RBFOX1: variants seen among roughly 807,000 people sequenced by gnomAD.
RBFOX1 encodes the protein RNA binding fox-1 homolog 1.
A neutral mutation model predicts 57.7 loss-of-function variants in RBFOX1; 8 were observed. The observed-to-expected ratio is 0.14, with a 90% confidence interval of 0.08 to 0.25. The LOEUF (loss-of-function observed/expected upper bound fraction) is 0.25. Ranked by LOEUF, RBFOX1 falls within the 10% of genes least tolerant of loss-of-function variation. The probability of loss-of-function intolerance (pLI) is 1.00; values close to 1 mark genes in which losing one functional copy is unlikely to be tolerated. For synonymous variants in RBFOX1, 326 were observed against 222.4 expected, an observed-to-expected ratio of 1.47 and a Z score of -4.15; for missense variants, 611 against 548.5, an observed-to-expected ratio of 1.11 and a Z score of -1.14.
intron 13 of RBFOX1, among the ~76,000 whole-genome samples, chr16:7,674,091 TTTTACAGTGTATGTACACATACACTGAG>T (rs1269085773): frequency 2.0e-5 from 3 of 152,230 alleles, no homozygotes; most frequent in African/African-American, 7.2e-5. Flanking sequence ...GCAATTTATA[TTTTACAGTGTATGTACACATACACTGAG>T]TTAATACACA....
chr16:6,843,048 C>T (rs577933632), intron 3 of RBFOX1, among the ~76,000 whole-genome samples: 15 of 152,162 alleles, frequency 9.9e-5, no homozygotes, highest in South Asian at 2.1e-4. Context: ...GTATGTGCCA[C>T]GTGTTCTTTA....
chr16:7,040,046 A>T (rs970849064), intron 3 of RBFOX1, among the ~76,000 whole-genome samples: 4 of 151,422 alleles, frequency 2.6e-5, no homozygotes, highest in African/African-American at 9.7e-5. Flanking sequence ...TTTTGAGACA[A>T]AGTCTTGCTC....
intron 4 of RBFOX1, among the ~76,000 whole-genome samples, chr16:6,006,962 C>G (rs1018314023): frequency 1.3e-5 from 2 of 152,134 alleles, no homozygotes. Context: ...AGGATTATAT[C>G]TCACTGGAAC....
chr16:5,434,663 C>G (rs1197186733), intron 1 of RBFOX1, among the ~76,000 whole-genome samples: 1 of 152,076 alleles, frequency 6.6e-6, no homozygotes, highest in East Asian at 1.9e-4. Flanking sequence ...GTGCTAATAA[C>G]CTTATTTCTT....
At chr16:7,505,525 G>A (rs1600274392) in intron 4 of RBFOX1, among the ~76,000 whole-genome samples, 1 of 152,204 alleles carries the variant, frequency 6.6e-6, no homozygotes, top group African/African-American at 2.4e-5. Flanking sequence ...GCCATATCCA[G>A]GTCTCTGACT....
intron 4 of RBFOX1, among the ~76,000 whole-genome samples, chr16:5,902,526 C>T (rs892954248): frequency 3.9e-5 from 6 of 152,114 alleles, no homozygotes; most frequent in Non-Finnish European, 8.8e-5. Flanking sequence ...AGTGATTCTC[C>T]CGCGCCAGCC....
intron 4 of RBFOX1, among the ~76,000 whole-genome samples, chr16:5,993,127 T>C (rs892374781): frequency 1.3e-5 from 2 of 152,164 alleles, no homozygotes; most frequent in Non-Finnish European, 2.9e-5. Flanking sequence ...GAACAAGCCA[T>C]GTCCTCAAGG....
intron 3 of RBFOX1, among the ~76,000 whole-genome samples, chr16:5,642,462 A>G (rs1197742416): frequency 1.3e-5 from 2 of 152,308 alleles, no homozygotes; most frequent in East Asian, 3.9e-4. Flanking sequence ...CTGAGGATGA[A>G]AAGCCTTCTG....
chr16:6,963,473 T>C (rs2083439923), intron 3 of RBFOX1, among the ~76,000 whole-genome samples: 1 of 152,184 alleles, frequency 6.6e-6, no homozygotes, highest in African/African-American at 2.4e-5. Flanking sequence ...TCTGAACCAC[T>C]GGTCAGTAAT....
At chr16:6,164,981 A>G (rs2096906722) in intron 1 of RBFOX1, among the ~76,000 whole-genome samples, 1 of 152,156 alleles carries the variant, frequency 6.6e-6, no homozygotes, top group African/African-American at 2.4e-5. Context: ...GAAATGGCAT[A>G]TTATTGTTAT....
intron 2 of RBFOX1, among the ~76,000 whole-genome samples, chr16:6,548,496 A>C (rs113548737): frequency 6.6e-6 from 1 of 152,202 alleles, no homozygotes; most frequent in African/African-American, 2.4e-5. Context: ...TGATTTCTTC[A>C]GAATTTCTTC....
chr16:7,090,651 T>G (rs1222151941), intron 4 of RBFOX1, among the ~76,000 whole-genome samples: 3 of 152,072 alleles, frequency 2.0e-5, no homozygotes, highest in Admixed American at 6.5e-5. Context: ...TATTTTATTT[T>G]CCCTGAGTGA....
chr16:5,541,874 C>T (rs919901999), intron 2 of RBFOX1, among the ~76,000 whole-genome samples: 2 of 152,098 alleles, frequency 1.3e-5, no homozygotes, highest in African/African-American at 4.8e-5. Flanking sequence ...CCGTTCAGAT[C>T]AGGGGCCTCT....
intron 4 of RBFOX1, among the ~76,000 whole-genome samples, chr16:5,922,792 G>T (rs1314461440): frequency 6.6e-6 from 1 of 152,208 alleles, no homozygotes; most frequent in Non-Finnish European, 1.5e-5. Context: ...GAATTCAGGG[G>T]CTAACGCTCT....
At chr16:5,978,340 T>TA (rs199555077) in intron 4 of RBFOX1, among the ~76,000 whole-genome samples, 4 of 151,592 alleles carry the variant, frequency 2.6e-5, no homozygotes, top group East Asian at 1.9e-4. Flanking sequence ...AAATAAAAAA[T>TA]AAAAAAAATA....
chr16:5,481,185 T>A (rs1455347967), intron 2 of RBFOX1, among the ~76,000 whole-genome samples: 1 of 152,234 alleles, frequency 6.6e-6, no homozygotes, highest in African/African-American at 2.4e-5. Flanking sequence ...AATGTTGAGT[T>A]GATTTTTCTT....
intron 1 of RBFOX1, among the ~76,000 whole-genome samples, chr16:6,090,498 C>G (rs1000138194): frequency 2.0e-5 from 3 of 152,192 alleles, no homozygotes; most frequent in African/African-American, 4.8e-5. Context: ...ATGCTTTTGG[C>G]TCCAAAGTCA....
chr16:6,033,836 A>C (rs780255783), intron 1 of RBFOX1, among the ~76,000 whole-genome samples: 7 of 152,232 alleles, frequency 4.6e-5, no homozygotes, highest in Non-Finnish European at 1.0e-4. Context: ...TCATTTTGAC[A>C]GACACTGCCA....
chr16:5,249,680 C>T (rs1373693497), intron 1 of RBFOX1, among the ~76,000 whole-genome samples: 1 of 152,130 alleles, frequency 6.6e-6, no homozygotes, highest in Non-Finnish European at 1.5e-5. Flanking sequence ...AGAATTCAAG[C>T]AATGCAGACC....
Sources: allele counts gnomAD v4.1 joint callset (sites outside exome capture counted in the v4.1 genomes callset), GRCh38; gene constraint gnomAD v4.1.1; transcripts MANE v1.5; gene names NCBI Gene and HGNC (gene_info 2026-07-23, HGNC 2026-07-21).